Variants in ESR1 observed in about 807,000 individuals in gnomAD.
ESR1 encodes the protein estrogen receptor.
A neutral mutation model predicts 52.7 loss-of-function variants in ESR1; 12 were observed. The observed-to-expected ratio is 0.23, with a 90% CI of 0.15 to 0.37. The LOEUF is 0.37. Ranked by LOEUF, ESR1 falls within the 10% of genes least tolerant of loss-of-function variation. The pLI is 1.00. For synonymous variants in ESR1, 305 were observed against 316.8 expected, an observed-to-expected ratio of 0.96 and a Z score of 0.39; for missense variants, 584 against 779.7, an observed-to-expected ratio of 0.75 and a Z score of 2.99.
intron 6 of ESR1, among the ~76,000 whole-genome samples, chr6:152,063,846 T>G (rs1448488961): frequency 1.3e-5 from 2 of 152,042 alleles, no homozygotes; most frequent in African/African-American, 4.8e-5. Context: ...CAAGGTTTTG[T>G]GTTGAGCCCC....
chr6:151,833,745 CATTT>C (rs1358117076), intron 1 of ESR1, among the ~76,000 whole-genome samples: 1 of 152,174 alleles, frequency 6.6e-6, no homozygotes, highest in African/African-American at 2.4e-5. Context: ...TTGCATCAGT[CATTT>C]ATTTATGCAC....
Position 151,944,387 on chromosome 6 carries a change from G to C in ESR1, c.975G>C (p.Pro325=), listed in dbSNP as rs1801132. ...GTGCCTTGTTGGATGCTGAGCCCCC[G>C]ATACTCTATTCCGAGTATGATCCTA... ...MVSALLDAEP[P]ILYSEYDPTR... The change falls in exon 4 of 8, where the codon CCG becomes CCC. Residue 325 remains proline (P), a synonymous_variant. Coordinates refer to ENST00000206249, the MANE Select transcript of ESR1 (RefSeq NM_000125.4). The C allele has an allele frequency of 0.76, 1,218,687 of 1,613,900 alleles. 464,431 individuals carry two copies. The highest frequency in any genetic ancestry group is 0.9 in the African/African-American group (67,621 of 75,002).
At chr6:152,038,566 C>T (rs1166845334) in intron 5 of ESR1, among the ~76,000 whole-genome samples, 1 of 152,170 alleles carries the variant, frequency 6.6e-6, no homozygotes, top group Non-Finnish European at 1.5e-5. Flanking sequence ...CAGAAATGCA[C>T]CAATTCCCAA....
At chr6:151,750,406 G>C (rs1367876639) in intron 2 of ESR1, among the ~76,000 whole-genome samples, 1 of 152,148 alleles carries the variant, frequency 6.6e-6, no homozygotes, top group African/African-American at 2.4e-5. Flanking sequence ...ATGTTTAGTG[G>C]GACGGCGGGC....
rs560911730 is a variant in ESR1, at chr6:151,818,463, A to G, written c.452+10099A>G. Among the ~76,000 whole-genome samples the G allele has an allele frequency of 2.6e-5, 4 of 152,270 alleles. 1 individual carries two copies. The highest frequency in any genetic ancestry group is 2.0e-4 in the Admixed American group (3 of 15,300). On this transcript the variant is annotated intron_variant, in intron 1 of 7. Coordinates refer to ENST00000206249, the MANE Select transcript of ESR1 (RefSeq NM_000125.4). ...GTGAAACCAATGTTGCTTTTCTATCAAGAGTCCAACCCTTTTCTAAGAAGG... is the reference window on the plus strand; with the variant it reads ...GTGAAACCAATGTTGCTTTTCTATCGAGAGTCCAACCCTTTTCTAAGAAGG...
intron 2 of ESR1, among the ~76,000 whole-genome samples, chr6:151,853,213 G>GAAAA (rs1188826695): frequency 8.9e-6 from 1 of 112,396 alleles, no homozygotes; most frequent in African/African-American, 3.2e-5. Context: ...AAGAAAGAAA[G>GAAAA]AAGGAAAAAG....
intron 1 of ESR1, among the ~76,000 whole-genome samples, chr6:151,699,215 T>C (rs1290509817): frequency 6.6e-6 from 1 of 152,214 alleles, no homozygotes; most frequent in Non-Finnish European, 1.5e-5. Context: ...GCCAATTCTC[T>C]GCTTGTTAGA....
rs539989143 is a variant in ESR1, at chr6:151,913,666, C to T, written c.761-30507C>T. ...AAATGATCTTTTTTCCCATTTTAGT[C>T]CATACATCTTCAGTTTTAATTTCCT... is the stretch of plus-strand genomic sequence containing the variant. On this transcript the variant is annotated intron_variant, in intron 3 of 7. Coordinates refer to ENST00000206249, the MANE Select transcript of ESR1 (RefSeq NM_000125.4). Among the ~76,000 whole-genome samples, 3 of 152,202 alleles carry T rather than the reference C, an allele frequency of 2.0e-5. No individual in the cohort carries two copies. In the South Asian group the frequency reaches 6.2e-4, roughly 32 times the overall value.
At chr6:151,877,891 C>T (rs1019237531) in intron 2 of ESR1, among the ~76,000 whole-genome samples, 3 of 151,978 alleles carry the variant, frequency 2.0e-5, no homozygotes, top group African/African-American at 4.8e-5. Context: ...CTCACTGCAG[C>T]CTTGACCTCC....
Position 152,032,912 on chromosome 6 carries a change from A to C in ESR1, c.1235+21118A>C, listed in dbSNP as rs540603099. ...ACTATACTACAAGGCCACAGTAACG[A>C]AAACAGCATGGTACTGGTACCAAAA... On this transcript the variant is annotated intron_variant, in intron 5 of 7. Coordinates refer to ENST00000206249, the MANE Select transcript of ESR1 (RefSeq NM_000125.4). Among the ~76,000 whole-genome samples, 132 of 152,368 alleles carry C rather than the reference A, an allele frequency of 8.7e-4. No individual in the cohort carries two copies. The Middle Eastern group carries it at 0.014, about 16-fold the overall frequency.
intron 2 of ESR1, among the ~76,000 whole-genome samples, chr6:151,718,058 T>C (rs1320008902): frequency 6.6e-6 from 1 of 152,174 alleles, no homozygotes; most frequent in Non-Finnish European, 1.5e-5. Context: ...AATAGACATC[T>C]GATGAATGAA....
rs538702720 is a variant in ESR1, at chr6:151,855,212, C to T, written c.643+12425C>T. ...TACAGGCGTGAGCCACTGTGCCTGG[C>T]TCGTTTTAAAATAATTTAAAAGTAT... On this transcript the variant is annotated intron_variant, in intron 2 of 7. Transcript: ENST00000206249. Among the ~76,000 whole-genome samples the T allele has an allele frequency of 3.5e-4, 53 of 152,322 alleles. 1 individual carries two copies. The South Asian group carries it at 7.0e-3, about 20-fold the overall frequency.
At chr6:151,819,897 A>T (rs1309237719) in intron 1 of ESR1, among the ~76,000 whole-genome samples, 1 of 152,200 alleles carries the variant, frequency 6.6e-6, no homozygotes, top group Non-Finnish European at 1.5e-5. Flanking sequence ...TTCATTTATC[A>T]TATTCATTCA....
At chr6:151,717,717 A>T (rs906170054) in intron 2 of ESR1, among the ~76,000 whole-genome samples, 1 of 152,200 alleles carries the variant, frequency 6.6e-6, no homozygotes, top group African/African-American at 2.4e-5. Context: ...TATATTTTCC[A>T]AATTGTCCAT....
intron 3 of ESR1, among the ~76,000 whole-genome samples, chr6:151,924,075 G>A (rs774155970): frequency 3.3e-5 from 5 of 152,062 alleles, no homozygotes; most frequent in Admixed American, 6.5e-5. Flanking sequence ...ATGGAGTCTC[G>A]CTCTGTCGCC....
intron 1 of ESR1, among the ~76,000 whole-genome samples, chr6:151,698,024 G>C (rs955904955): frequency 6.6e-6 from 1 of 152,018 alleles, no homozygotes. Flanking sequence ...CTTGAACCGG[G>C]AGGTGGAGGT....
intron 5 of ESR1, among the ~76,000 whole-genome samples, chr6:152,055,398 C>T (rs996876763): frequency 3.9e-5 from 6 of 152,152 alleles, no homozygotes; most frequent in African/African-American, 4.8e-5. Context: ...CGTGACTTAA[C>T]GGTGACTCCC....
At chr6:152,105,963 A>T (rs1003568661), downstream of ESR1, among the ~76,000 whole-genome samples, 3 of 131,698 alleles carry the variant, frequency 2.3e-5, no homozygotes, top group African/African-American at 8.5e-5. Flanking sequence ...AATTTTTTGT[A>T]TTTTTTTTTT....
chr6:151,990,194 G>C (rs1200530056), intron 4 of ESR1, among the ~76,000 whole-genome samples: 2 of 151,946 alleles, frequency 1.3e-5, no homozygotes, highest in African/African-American at 4.8e-5. Flanking sequence ...AACTAGTACA[G>C]TATTTTTTGC....
Sources: allele counts gnomAD v4.1 joint callset (sites outside exome capture counted in the v4.1 genomes callset), GRCh38; gene constraint gnomAD v4.1.1; transcripts MANE v1.5; gene names NCBI Gene and HGNC (gene_info 2026-07-23, HGNC 2026-07-21).